The following CNTN5 variants were observed in gnomAD, a reference collection of about 807,000 sequenced individuals.
The protein encoded by CNTN5 is contactin-5.
CNTN5 carries 77 observed loss-of-function variants against 129.1 expected under a neutral mutation model. The ratio of observed to expected loss-of-function variants is 0.60; its 90% CI spans 0.50 to 0.72. The LOEUF (loss-of-function observed/expected upper bound fraction) is 0.72, where lower values mean the gene tolerates loss of function less well. Ranked by LOEUF, CNTN5 falls within the 30% of genes least tolerant of loss-of-function variation. The pLI is 0.00. For synonymous variants in CNTN5, 509 were observed against 465.6 expected, an observed-to-expected ratio of 1.09 and a Z score of -1.20; for missense variants, 1,478 against 1,328.8, an observed-to-expected ratio of 1.11 and a Z score of -1.75.
chr11:100,336,067 T>G lies in CNTN5; in HGVS notation c.2731-4396T>G, dbSNP rs952527647. Among the ~76,000 whole-genome samples, 26 of 152,338 alleles carry G rather than the reference T, an allele frequency of 1.7e-4. 1 individual carries two copies. The highest frequency in any genetic ancestry group is 1.6e-3 in the Admixed American group (24 of 15,304). ...CACAAACCTAAGAGAAGTACTATTT[T>G]CTCTGTTATATAAATAAAGATGCAG... On this transcript the variant is annotated intron_variant, in intron 21 of 24. Coordinates refer to ENST00000524871, the MANE Select transcript of CNTN5 (RefSeq NM_014361.4).
chr11:99,736,231 G>GT (rs1943705945), intron 3 of CNTN5, among the ~76,000 whole-genome samples: 1 of 152,202 alleles, frequency 6.6e-6, no homozygotes, highest in Non-Finnish European at 1.5e-5. Context: ...TATGAACAGT[G>GT]TAACAGCAAG....
At chr11:99,581,931 T>C (rs1208240558) in intron 3 of CNTN5, among the ~76,000 whole-genome samples, 1 of 152,180 alleles carries the variant, frequency 6.6e-6, no homozygotes, top group African/African-American at 2.4e-5. Context: ...TGATGGTCTT[T>C]ACAATTTGGC....
At chr11:99,923,873 C>T (rs968152780) in intron 7 of CNTN5, among the ~76,000 whole-genome samples, 2 of 152,014 alleles carry the variant, frequency 1.3e-5, no homozygotes, top group Admixed American at 6.6e-5. Flanking sequence ...CTGCAACCTC[C>T]ACCTCCTGGC....
chr11:100,207,368 AT>A (rs1438234186), intron 15 of CNTN5, among the ~76,000 whole-genome samples: 1 of 152,162 alleles, frequency 6.6e-6, no homozygotes, highest in Non-Finnish European at 1.5e-5. Context: ...TAATTTTTGA[AT>A]TACCTTAAAA....
At chr11:99,364,895 T>A (rs1174937232) in intron 2 of CNTN5, among the ~76,000 whole-genome samples, 1 of 152,022 alleles carries the variant, frequency 6.6e-6, no homozygotes, top group East Asian at 1.9e-4. Context: ...GGGGCAGCAG[T>A]GGAATGTGGT....
At chr11:99,381,202 C>T (rs1380767562) in intron 2 of CNTN5, among the ~76,000 whole-genome samples, 1 of 151,964 alleles carries the variant, frequency 6.6e-6, no homozygotes, top group Non-Finnish European at 1.5e-5. Context: ...GCGGTAAGTG[C>T]TACAATATAA....
At chr11:100,054,283 A>C (rs1200408002) in intron 9 of CNTN5, among the ~76,000 whole-genome samples, 1 of 151,714 alleles carries the variant, frequency 6.6e-6, no homozygotes, top group Non-Finnish European at 1.5e-5. Context: ...GTGCAAAGTT[A>C]CCCAGTGAAG....
chr11:99,597,203 C>T (rs1427387911), intron 3 of CNTN5, among the ~76,000 whole-genome samples: 1 of 152,090 alleles, frequency 6.6e-6, no homozygotes, highest in African/African-American at 2.4e-5. Context: ...TATTTAGCAT[C>T]AGATATAAGC....
chr11:100,107,016 C>T (rs116314402), intron 13 of CNTN5, among the ~76,000 whole-genome samples: 2,485 of 152,158 alleles, frequency 0.016, 62 homozygotes, highest in African/African-American at 0.055. Flanking sequence ...TACAGTCATA[C>T]CTATTTATGC....
intron 17 of CNTN5, among the ~76,000 whole-genome samples, chr11:100,265,359 G>C (rs1236414962): frequency 2.6e-5 from 4 of 152,104 alleles, no homozygotes; most frequent in African/African-American, 4.8e-5. Context: ...CTCCAAAATA[G>C]CTCTTTTAGA....
intron 3 of CNTN5, among the ~76,000 whole-genome samples, chr11:99,749,554 C>G (rs1391910286): frequency 6.6e-6 from 1 of 152,100 alleles, no homozygotes; most frequent in Non-Finnish European, 1.5e-5. Context: ...ACCTCAGTGG[C>G]CCAGTCTTAG....
intron 17 of CNTN5, among the ~76,000 whole-genome samples, chr11:100,265,676 A>C (rs1476228297): frequency 2.6e-5 from 4 of 152,170 alleles, no homozygotes; most frequent in Non-Finnish European, 4.4e-5. Flanking sequence ...TTGGCAAATG[A>C]AGTGAGAGGT....
chr11:100,168,864 T>G (rs1236474049), intron 13 of CNTN5, among the ~76,000 whole-genome samples: 1 of 151,914 alleles, frequency 6.6e-6, no homozygotes. Context: ...TTAAGAACAT[T>G]CATAGTTCAT....
chr11:99,752,423 A>G (rs2135226009), intron 3 of CNTN5, among the ~76,000 whole-genome samples: 1 of 152,330 alleles, frequency 6.6e-6, no homozygotes, highest in East Asian at 1.9e-4. Context: ...GAAAAGATAA[A>G]TTGGTCAGTA....
At chr11:99,125,058 C>T (rs182292784) in intron 1 of CNTN5, among the ~76,000 whole-genome samples, 2 of 152,106 alleles carry the variant, frequency 1.3e-5, no homozygotes, top group African/African-American at 2.4e-5. Context: ...TGGTACCAAT[C>T]CTACTGAAAC....
chr11:100,161,585 A>G (rs986493785), intron 13 of CNTN5, among the ~76,000 whole-genome samples: 2 of 151,380 alleles, frequency 1.3e-5, no homozygotes, highest in African/African-American at 4.8e-5. Flanking sequence ...AACTGACTTC[A>G]CATAGACAGT....
At chr11:99,498,480 C>A (rs144076000) in intron 2 of CNTN5, among the ~76,000 whole-genome samples, 1 of 152,114 alleles carries the variant, frequency 6.6e-6, no homozygotes, top group Non-Finnish European at 1.5e-5. Context: ...TTAAGCAATT[C>A]TCATTGTGTT....
chr11:100,018,167 AAT>A (rs1380786344), intron 9 of CNTN5, among the ~76,000 whole-genome samples: 1 of 152,010 alleles, frequency 6.6e-6, no homozygotes, highest in Non-Finnish European at 1.5e-5. Context: ...ATTGGAACAC[AAT>A]AAAATGTTTA....
intron 3 of CNTN5, among the ~76,000 whole-genome samples, chr11:99,728,713 C>T (rs1046849407): frequency 1.3e-5 from 2 of 152,102 alleles, no homozygotes; most frequent in Non-Finnish European, 2.9e-5. Flanking sequence ...GAGTAGTGAC[C>T]ATGAGTCACC....
Sources: gnomAD v4.1 joint callset for allele counts (sites outside exome capture counted in the v4.1 genomes callset) on GRCh38, gnomAD v4.1.1 for gene constraint, MANE v1.5 for transcripts, NCBI Gene and HGNC (gene_info 2026-07-23, HGNC 2026-07-21) for gene names.